The following ERCC6 variants were observed in gnomAD, a reference collection of about 807,000 sequenced individuals.
The protein encoded by ERCC6 is DNA excision repair protein ERCC-6.
Under a neutral mutation model 158.7 loss-of-function variants are expected in ERCC6, and 116 were observed. The observed-to-expected ratio is 0.73, with a 90% CI of 0.63 to 0.85. ERCC6 has a LOEUF of 0.85. Among genes scored for constraint, ERCC6 ranks in the 40% least tolerant of loss-of-function variants. ERCC6 has a pLI of 0.00. For missense variants in ERCC6, 1,698 were observed against 1,799.4 expected (o/e 0.94, Z 1.02); for synonymous variants, 678 against 659.3 (o/e 1.03, Z -0.43).
At chr10:49,452,096 T>C (rs568482273), downstream of ERCC6, among the ~76,000 whole-genome samples, 28 of 152,130 alleles carry the variant, frequency 1.8e-4, no homozygotes, top group African/African-American at 6.5e-4. Context: ...TGTTTTTCTA[T>C]TCTTTCATTA....
At chr10:49,512,623 C>T (rs1271751534) in intron 5 of ERCC6, among the ~76,000 whole-genome samples, 1 of 152,108 alleles carries the variant, frequency 6.6e-6, no homozygotes. Flanking sequence ...GTTGAACAGC[C>T]CTTATCCAAA....
At chr10:49,446,252 CA>C in the ERCC6 span, among the ~76,000 whole-genome samples, 6 of 137,194 alleles carry the variant, frequency 4.4e-5, no homozygotes, top group African/African-American at 1.6e-4. Context: ...CACACACACA[CA>C]CACACCCCCC....
At chr10:49,500,811 G>T in intron 6 of ERCC6, 115 bp from the exon 7 acceptor site, 2 of 1,044,084 alleles carry the variant, frequency 1.9e-6, no homozygotes, top group Non-Finnish European at 1.5e-6. Context: ...ACCAGTCAGA[G>T]AAACATGCGG....
intron 8 of ERCC6, among the ~76,000 whole-genome samples, chr10:49,487,201 G>T (rs1397220242): frequency 6.6e-6 from 1 of 152,196 alleles, no homozygotes; most frequent in Non-Finnish European, 1.5e-5. Flanking sequence ...AAGAGACATT[G>T]TCTTCTCATA....
chr10:49,525,669 T>G (rs1837298966), intron 4 of ERCC6, among the ~76,000 whole-genome samples: 1 of 152,186 alleles, frequency 6.6e-6, no homozygotes, highest in South Asian at 2.1e-4. Context: ...AAACTTGCAC[T>G]GAAATAAAAC....
At chr10:49,438,205 T>C in the ERCC6 span, among the ~76,000 whole-genome samples, 2 of 152,002 alleles carry the variant, frequency 1.3e-5, no homozygotes, top group South Asian at 4.1e-4. Context: ...CCAATACACG[T>C]CAACTTTAGA....
intron 5 of ERCC6, among the ~76,000 whole-genome samples, chr10:49,512,900 C>T (rs758986305): frequency 6.6e-6 from 1 of 152,192 alleles, no homozygotes; most frequent in Non-Finnish European, 1.5e-5. Context: ...TTTGGATTTT[C>T]GGACTAGGGA....
chr10:49,452,186 G>A (rs1453554723), downstream of ERCC6, among the ~76,000 whole-genome samples: 1 of 151,396 alleles, frequency 6.6e-6, no homozygotes, highest in Non-Finnish European at 1.5e-5. Flanking sequence ...GTGACTTAAG[G>A]TGGAAGAAAG....
chr10:49,481,053 G>A (rs992082658), intron 10 of ERCC6, among the ~76,000 whole-genome samples: 2 of 152,174 alleles, frequency 1.3e-5, no homozygotes, highest in Non-Finnish European at 1.5e-5. Context: ...TGTAAGAGGC[G>A]ATCCTTGTTT....
intron 5 of ERCC6, among the ~76,000 whole-genome samples, chr10:49,514,109 A>T (rs752117016): frequency 1.2e-4 from 19 of 152,204 alleles, no homozygotes; most frequent in Non-Finnish European, 2.2e-4. Flanking sequence ...CCAAATTCTA[A>T]AACTTCAATC....
At chr10:49,488,841 T>C (rs1489093467) in intron 8 of ERCC6, among the ~76,000 whole-genome samples, 2 of 152,154 alleles carry the variant, frequency 1.3e-5, no homozygotes, top group Admixed American at 6.5e-5. Context: ...TGGAGTGCAG[T>C]GGCGTGATCT....
chr10:49,439,432 A>T, the ERCC6 span, among the ~76,000 whole-genome samples: 3 of 152,212 alleles, frequency 2.0e-5, no homozygotes, highest in Admixed American at 2.0e-4. Flanking sequence ...GCAGGACACC[A>T]AGTCCGTAGG....
intron 6 of ERCC6, chr10:49,505,037 T>A (rs1005545002): frequency 4.6e-5 from 7 of 152,240 alleles, no homozygotes; most frequent in Admixed American, 3.9e-4. Context: ...AACTTAATCA[T>A]CTCGAACAAA....
At chr10:49,488,576 T>C (rs1223376906) in intron 8 of ERCC6, among the ~76,000 whole-genome samples, 1 of 152,106 alleles carries the variant, frequency 6.6e-6, no homozygotes, top group Non-Finnish European at 1.5e-5. Context: ...TGCATTCTAT[T>C]ATAATTTGTG....
intron 6 of ERCC6, 70 bp from the exon 7 acceptor site, chr10:49,500,766 G>C: frequency 6.5e-7 from 1 of 1,537,364 alleles, no homozygotes; most frequent in Non-Finnish European, 8.9e-7. Flanking sequence ...ATAACAGAAA[G>C]TACTCATGAA....
At chr10:49,516,308 A>G in intron 5 of ERCC6, 1 of 1,614,058 alleles carries the variant, frequency 6.2e-7, no homozygotes, top group East Asian at 2.2e-5. Context: ...TGAATTCATC[A>G]AAGCTGAAAT....
chr10:49,448,291 TG>T, the ERCC6 span, among the ~76,000 whole-genome samples: 1 of 152,236 alleles, frequency 6.6e-6, no homozygotes, highest in African/African-American at 2.4e-5. Flanking sequence ...TAAAGACTAA[TG>T]ATGTCAAGCA....
At chr10:49,497,558 C>T (rs6537538) in intron 7 of ERCC6, among the ~76,000 whole-genome samples, 128,884 of 152,156 alleles carry the variant, frequency 0.85, 55,057 homozygotes, top group East Asian at 1. Context: ...CATTTTCCCC[C>T]TTAGTAGAAA....
chr10:49,441,550 T>C, the ERCC6 span, among the ~76,000 whole-genome samples: 2 of 152,208 alleles, frequency 1.3e-5, no homozygotes, highest in South Asian at 2.1e-4. Flanking sequence ...CCCTTGCCTG[T>C]GTAGACCCAG....
Sources: allele counts gnomAD v4.1 joint callset (sites outside exome capture counted in the v4.1 genomes callset), GRCh38; gene constraint gnomAD v4.1.1; transcripts MANE v1.5; gene names NCBI Gene and HGNC (gene_info 2026-07-23, HGNC 2026-07-21).